DNAJC13: variants seen among roughly 807,000 people sequenced by gnomAD.
The protein encoded by DNAJC13 is dnaJ homolog subfamily C member 13.
DNAJC13 carries 75 observed loss-of-function variants against 290.5 expected under a neutral mutation model. The ratio of observed to expected loss-of-function variants is 0.26; its 90% CI spans 0.21 to 0.31. DNAJC13 has a LOEUF of 0.31. Among genes scored for constraint, DNAJC13 ranks in the 10% least tolerant of loss-of-function variants. The probability of loss-of-function intolerance (pLI) is 1.00; values close to 1 mark genes in which losing one functional copy is unlikely to be tolerated. For synonymous variants in DNAJC13, 862 were observed against 892.0 expected, an observed-to-expected ratio of 0.97 and a Z score of 0.60; for missense variants, 2,260 against 2,674.5, an observed-to-expected ratio of 0.85 and a Z score of 3.42.
At chr3:132,512,925 A>G in intron 44 of DNAJC13, 83 bp from the exon 45 acceptor site, 2 of 1,149,100 alleles carry the variant, frequency 1.7e-6, no homozygotes, top group Non-Finnish European at 2.6e-6. Flanking sequence ...AATTGACAGT[A>G]AACAACAGTG....
rs1211080584 is a variant in DNAJC13, at chr3:132,511,066, G to T, written c.5116-1G>T. The stretch of plus-strand genomic sequence containing the variant: ...TTTAAATACTTGTCTGCATTGATTA[G>T]GTTCCAAAAGCATTTGCTGCAAGTC... On this transcript the variant is annotated splice_acceptor_variant, in intron 43 of 55. Transcript: ENST00000260818. LOFTEE classifies it high-confidence loss of function. The T allele has an allele frequency of 6.2e-7, 1 of 1,613,466 alleles. No individual in the cohort carries two copies. The highest frequency in any genetic ancestry group is 8.5e-7 in the Non-Finnish European group (1 of 1,179,604).
At position 132,502,295 on chromosome 3, in the gene DNAJC13, C is replaced by T. The variant is rs55825559; in HGVS notation, c.4543C>T (p.Pro1515Ser). 37,866 of 1,609,906 alleles carry T rather than the reference C, an allele frequency of 0.024. 566 individuals carry two copies. Among genetic ancestry groups the T allele is most frequent in the Non-Finnish European group, 0.028 (32,890 of 1,178,254 alleles). Reference protein sequence around the residue: ...CRVLYFGKSIPRVAALGVECV... With the variant: ...CRVLYFGKSISRVAALGVECV... ...CTCATTTTTATTCTCTCAGAGTATT[C>T]CCCGCGTAGCTGCTCTTGGGGTAGA... The change falls in exon 40 of 56, where the codon CCC becomes TCC. Residue 1515 changes from proline (P) to serine (S), a missense_variant. This residue lies in a region of DNAJC13 where 1,494 missense variants were observed against 1,693.7 expected (regional missense o/e 0.88). Transcript: ENST00000260818.
intron 42 of DNAJC13, among the ~76,000 whole-genome samples, chr3:132,506,047 T>TTTTTTG (rs1174112933): frequency 4.6e-5 from 5 of 108,610 alleles, no homozygotes; most frequent in African/African-American, 3.1e-4. Context: ...TACATTATCT[T>TTTTTTG]TTTTTTTTTT....
intron 55 of DNAJC13, among the ~76,000 whole-genome samples, chr3:132,531,361 G>C (rs963194116): frequency 1.3e-5 from 2 of 152,118 alleles, no homozygotes; most frequent in African/African-American, 2.4e-5. Context: ...AATATATTTG[G>C]AGCATGTCTG....
At chr3:132,535,033 G>T (rs1291584618) in intron 55 of DNAJC13, among the ~76,000 whole-genome samples, 1 of 152,222 alleles carries the variant, frequency 6.6e-6, no homozygotes. Flanking sequence ...AGAAGATACA[G>T]ATTGTACCCA....
intron 43 of DNAJC13, 83 bp downstream of exon 43, chr3:132,507,436 G>A (rs1420102326): frequency 2.5e-6 from 2 of 796,432 alleles, no homozygotes; most frequent in Non-Finnish European, 2.1e-6. Flanking sequence ...CTTTATAGAG[G>A]CACACTTCAT....
intron 43 of DNAJC13, among the ~76,000 whole-genome samples, 171 bp downstream of exon 43, chr3:132,507,524 G>A (rs1935633911): frequency 6.6e-6 from 1 of 151,224 alleles, no homozygotes. Flanking sequence ...TGCCAAGCAA[G>A]CCTATTGGCA....
intron 55 of DNAJC13, among the ~76,000 whole-genome samples, chr3:132,536,138 T>TGAA (rs957925501): frequency 2.6e-5 from 4 of 152,326 alleles, no homozygotes; most frequent in African/African-American, 7.2e-5. Context: ...ATTTAGTTTA[T>TGAA]GAAGTAATTG....
chr3:132,486,280 G>A (rs1326237454), intron 29 of DNAJC13, among the ~76,000 whole-genome samples: 3 of 151,838 alleles, frequency 2.0e-5, no homozygotes, highest in African/African-American at 7.3e-5. Context: ...GTGAGGTGAT[G>A]CAAAGAGAGG....
At position 132,528,109 on chromosome 3, in the gene DNAJC13, G is replaced by T. The variant is rs565468466; in HGVS notation, c.6382-80G>T. On this transcript the variant is annotated intron_variant, in intron 53 of 55. Transcript: ENST00000260818. ...GTGCAACAGGCTGCCTTCCAGGTAG[G>T]TCCTGGGGGTAAAATTATTTCTTCA... is the stretch of plus-strand genomic sequence containing the variant. 21 of 1,531,214 alleles carry T rather than the reference G, an allele frequency of 1.4e-5. No individual in the cohort carries two copies. In the Admixed American group the frequency reaches 2.4e-4, roughly 17 times the overall value. 94.9% of individuals were successfully genotyped at this position (1,531,214 alleles called of 1,614,324 possible).
At chr3:132,496,177 T>G (rs984001421) in intron 35 of DNAJC13, among the ~76,000 whole-genome samples, 1 of 152,158 alleles carries the variant, frequency 6.6e-6, no homozygotes, top group South Asian at 2.1e-4. Flanking sequence ...GAGGATTAAG[T>G]GAGATTATGG....
At chr3:132,495,237 ATATTACCT>A in intron 35 of DNAJC13, 71 bp downstream of exon 35, 1 of 1,222,004 alleles carries the variant, frequency 8.2e-7, no homozygotes, top group Non-Finnish European at 1.2e-6. Flanking sequence ...GGAGAAAAGT[ATATTACCT>A]TCTGTGCCAG....
chr3:132,513,158 G>T, intron 45 of DNAJC13, 59 bp downstream of exon 45: 2 of 1,385,870 alleles, frequency 1.4e-6, no homozygotes, highest in South Asian at 2.3e-5. Context: ...TGTGTAATTT[G>T]AGTCTCTATC....
intron 2 of DNAJC13, among the ~76,000 whole-genome samples, chr3:132,439,007 G>C (rs192210650): frequency 6.6e-6 from 1 of 152,312 alleles, no homozygotes; most frequent in African/African-American, 2.4e-5. Context: ...CAGAAGTGCA[G>C]ATTCACTGTG....
chr3:132,424,732 ATCTC>A (rs1339536358), intron 1 of DNAJC13, among the ~76,000 whole-genome samples: 3 of 152,066 alleles, frequency 2.0e-5, no homozygotes, highest in Non-Finnish European at 1.5e-5. Flanking sequence ...AACGACATCT[ATCTC>A]TGGAGGTATC....
intron 43 of DNAJC13, among the ~76,000 whole-genome samples, chr3:132,507,999 A>G (rs1935648984): frequency 6.6e-6 from 1 of 152,256 alleles, no homozygotes; most frequent in Admixed American, 6.5e-5. Flanking sequence ...CTTGAAGGAA[A>G]TTAAAAGTGC....
At position 132,453,444 on chromosome 3, in the gene DNAJC13, T is replaced by C; in HGVS notation, c.684T>C (p.Thr228=). 1 of 1,613,970 alleles carries C rather than the reference T, an allele frequency of 6.2e-7. No individual in the cohort carries two copies. Among genetic ancestry groups the C allele is most frequent in the South Asian group, 1.1e-5 (1 of 91,086 alleles). The change falls in exon 7 of 56, where the codon ACT becomes ACC. Residue 228 remains threonine, a synonymous_variant. Transcript: ENST00000260818. ...YLNLRFGKYS[T]DESITSLAEF... is the part of the protein sequence containing the mutation. Reference sequence around the variant, plus strand: ...ATCTTCGCTTTGGAAAATACAGCACTGATGAATCCATCACATCTTTAGCAG... The same window carrying C: ...ATCTTCGCTTTGGAAAATACAGCACCGATGAATCCATCACATCTTTAGCAG...
At chr3:132,507,179 T>C in intron 42 of DNAJC13, 58 bp from the exon 43 acceptor site, 2 of 1,130,540 alleles carry the variant, frequency 1.8e-6, no homozygotes, top group Middle Eastern at 2.0e-4. Flanking sequence ...TGTTAAGTTA[T>C]TAAACTGAAC....
intron 46 of DNAJC13, among the ~76,000 whole-genome samples, chr3:132,515,150 T>C (rs1470910240): frequency 6.6e-6 from 1 of 152,186 alleles, no homozygotes; most frequent in African/African-American, 2.4e-5. Context: ...TGCCCTAATC[T>C]ATATAATTAC....
Sources: allele counts gnomAD v4.1 joint callset (sites outside exome capture counted in the v4.1 genomes callset), GRCh38; gene constraint gnomAD v4.1.1; regional missense constraint gnomAD v4.1.1; transcripts MANE v1.5; gene names NCBI Gene and HGNC (gene_info 2026-07-23, HGNC 2026-07-21).